The following LRRC36 variants were observed in gnomAD, a reference collection of about 807,000 sequenced individuals.
LRRC36 encodes leucine-rich repeat-containing protein 36.
Under a neutral mutation model 81.1 loss-of-function variants are expected in LRRC36, and 62 were observed. The ratio of observed to expected loss-of-function variants is 0.76; its 90% confidence interval spans 0.62 to 0.94. The LOEUF is 0.94. LRRC36 is among the 40% of genes least tolerant of loss of function. LRRC36 has a pLI of 0.00. For synonymous variants in LRRC36, 334 were observed against 348.6 expected (o/e 0.96, Z 0.47); for missense variants, 761 against 881.7 (o/e 0.86, Z 1.73).
intron 5 of LRRC36, among the ~76,000 whole-genome samples, chr16:67,359,770 G>A (rs1245499228): frequency 2.6e-5 from 4 of 152,092 alleles, no homozygotes; most frequent in African/African-American, 9.7e-5. Flanking sequence ...AACAAGATTG[G>A]GGGAGGCACC....
Position 67,365,341 on chromosome 16 carries a change from A to G in LRRC36, c.740A>G (p.Asn247Ser), listed in dbSNP as rs1372924353. The G allele has an allele frequency of 2.5e-6, 4 of 1,613,180 alleles. No homozygotes were observed. Among genetic ancestry groups the G allele is most frequent in the African/African-American group, 1.3e-5 (1 of 74,902 alleles). The change falls in exon 7 of 14, where the codon AAT becomes AGT. Residue 247 changes from asparagine (N) to serine (S), a missense_variant. Around this residue, in one of 3 missense-constraint regions of LRRC36, gnomAD observed 139 missense variants for 214.0 expected, o/e 0.65. Coordinates refer to ENST00000329956, the MANE Select transcript of LRRC36 (RefSeq NM_018296.6). ...EVARREMPSD[N>S]HQEDEFRHYS... ...GCAAGAAGGGAGATGCCAAGTGACA[A>G]TCACCAGGAAGATGGTAAATATTTT...
chr16:67,335,734 CT>C lies in LRRC36; in HGVS notation c.71-6208del, dbSNP rs912010681. Among the ~76,000 whole-genome samples the C allele has an allele frequency of 2.6e-3, 374 of 141,248 alleles. 1 individual carries two copies. The highest frequency in any genetic ancestry group is 0.012 in the South Asian group (53 of 4,424). 92.7% of individuals were successfully genotyped at this position (141,248 alleles called of 152,430 possible). On this transcript the variant is annotated intron_variant, in intron 1 of 13. Coordinates refer to ENST00000329956, the MANE Select transcript of LRRC36 (RefSeq NM_018296.6). ...CTTCCCGCAACAGACAACCACTGAT[CT>C]TTTTTTTTTTTTTTGAGACAGACTT...
intron 5 of LRRC36, among the ~76,000 whole-genome samples, chr16:67,355,361 G>GTTT (rs2038847961): frequency 9.1e-6 from 1 of 110,364 alleles, no homozygotes; most frequent in Non-Finnish European, 1.9e-5. Context: ...TTTTTAAGAT[G>GTTT]TCTTTTTTTT....
chr16:67,360,434 C>T (rs1049886129), intron 5 of LRRC36, among the ~76,000 whole-genome samples: 19 of 152,116 alleles, frequency 1.2e-4, no homozygotes, highest in African/African-American at 2.4e-4. Context: ...TGAACACCTG[C>T]GAAGTCTTGT....
At chr16:67,327,583 G>A (rs1368853164) in intron 1 of LRRC36, among the ~76,000 whole-genome samples, 1 of 152,112 alleles carries the variant, frequency 6.6e-6, no homozygotes, top group African/African-American at 2.4e-5. Flanking sequence ...TGGATATATG[G>A]GTCTGGACCT....
chr16:67,354,201 T>C (rs988851895), intron 5 of LRRC36, among the ~76,000 whole-genome samples: 5 of 152,022 alleles, frequency 3.3e-5, no homozygotes, highest in African/African-American at 1.2e-4. Context: ...ACTAATGCTG[T>C]CCCCCTGCTT....
chr16:67,371,513 C>A, intron 9 of LRRC36: 1 of 472,968 alleles, frequency 2.1e-6, no homozygotes, highest in Non-Finnish European at 3.9e-6. Context: ...TCTGTAGCAT[C>A]TATGTTTACA....
chr16:67,362,487 TA>T (rs1399611894), intron 5 of LRRC36, among the ~76,000 whole-genome samples: 5 of 152,002 alleles, frequency 3.3e-5, no homozygotes, highest in African/African-American at 1.2e-4. Context: ...ATACAGAGCC[TA>T]AAGTACTACT....
chr16:67,334,456 C>G (rs1378471381), intron 1 of LRRC36, among the ~76,000 whole-genome samples: 2 of 152,282 alleles, frequency 1.3e-5, no homozygotes, highest in Middle Eastern at 3.4e-3. Context: ...TCCCAAGTAG[C>G]TGGGACTGCA....
chr16:67,356,849 A>C (rs890442554), intron 5 of LRRC36, among the ~76,000 whole-genome samples: 2 of 152,240 alleles, frequency 1.3e-5, no homozygotes, highest in Non-Finnish European at 2.9e-5. Context: ...TAGAGGGAAA[A>C]GCAGCAGCAA....
chr16:67,330,862 CTAAATAAA>C lies in LRRC36; in HGVS notation c.70+3948_70+3955del, dbSNP rs370088844. Among the ~76,000 whole-genome samples, 65 of 151,760 alleles carry C rather than the reference CTAAATAAA, an allele frequency of 4.3e-4. 1 individual carries two copies. In the East Asian group the frequency reaches 0.012, roughly 28 times the overall value. On this transcript the variant is annotated intron_variant, in intron 1 of 13. Coordinates refer to ENST00000329956, the MANE Select transcript of LRRC36 (RefSeq NM_018296.6). Reference sequence around the variant, plus strand: ...CCTGGACGAAAGACTGAGACTCAGTCTAAATAAATAAATAAATAAATAAATGTCTTAGT... The same window carrying C: ...CCTGGACGAAAGACTGAGACTCAGTCTAAATAAATAAATAAATGTCTTAGT...
intron 8 of LRRC36, among the ~76,000 whole-genome samples, chr16:67,367,934 G>A (rs1039715582): frequency 5.9e-5 from 9 of 152,196 alleles, no homozygotes; most frequent in African/African-American, 2.2e-4. Context: ...GCATGCGCCT[G>A]TAATCCCAGC....
At chr16:67,338,863 G>T (rs1597431533) in intron 1 of LRRC36, among the ~76,000 whole-genome samples, 2 of 67,252 alleles carry the variant, frequency 3.0e-5, no homozygotes, top group Non-Finnish European at 3.2e-5. Context: ...CTTGGAAGCT[G>T]AATTTTTTTT....
At chr16:67,371,716 C>CA (rs1181587249) in intron 9 of LRRC36, 16 of 200,598 alleles carry the variant, frequency 8.0e-5, no homozygotes, top group South Asian at 2.9e-4. Context: ...ACTGAAAATA[C>CA]AAAAATTAGC....
intron 9 of LRRC36, among the ~76,000 whole-genome samples, chr16:67,374,563 T>G (rs1330185294): frequency 6.6e-6 from 1 of 151,872 alleles, no homozygotes; most frequent in Non-Finnish European, 1.5e-5. Context: ...GCCTGGCTAA[T>G]TTTTGTGTTT....
At chr16:67,338,999 ATTC>A (rs1383781554) in intron 1 of LRRC36, among the ~76,000 whole-genome samples, 1 of 144,248 alleles carries the variant, frequency 6.9e-6, no homozygotes, top group African/African-American at 2.6e-5. Context: ...GGCTGAAGCA[ATTC>A]TTCTGCCTCA....
At chr16:67,327,241 G>A (rs1282489336) in intron 1 of LRRC36, among the ~76,000 whole-genome samples, 1 of 152,124 alleles carries the variant, frequency 6.6e-6, no homozygotes, top group Non-Finnish European at 1.5e-5. Flanking sequence ...TGCGGGGGGC[G>A]GTGGCTGACC....
At chr16:67,378,491 C>T in intron 11 of LRRC36, 98 bp from the exon 12 acceptor site, 1 of 1,114,372 alleles carries the variant, frequency 9.0e-7, no homozygotes, top group South Asian at 1.4e-5. Context: ...CCATCCACCT[C>T]AGCCTCCCAA....
chr16:67,378,486 CA>C, intron 11 of LRRC36, 102 bp from the exon 12 acceptor site: 1 of 1,008,706 alleles, frequency 9.9e-7, no homozygotes, highest in Non-Finnish European at 1.5e-6. Flanking sequence ...GCAAACCATC[CA>C]CCTCAGCCTC....
Sources: gnomAD v4.1 joint callset for allele counts (sites outside exome capture counted in the v4.1 genomes callset) on GRCh38, gnomAD v4.1.1 for gene constraint, gnomAD v4.1.1 regional missense constraint, MANE v1.5 for transcripts, NCBI Gene and HGNC (gene_info 2026-07-23, HGNC 2026-07-21) for gene names.